RABGAP1L: variants seen among roughly 807,000 people sequenced by gnomAD.
RABGAP1L encodes rab GTPase-activating protein 1-like.
In RABGAP1L, 63 loss-of-function variants were observed where a neutral mutation model predicts 137.7. The ratio of observed to expected loss-of-function variants is 0.46; its 90% CI spans 0.37 to 0.56. The LOEUF is 0.56. Ranked by LOEUF, RABGAP1L falls within the 20% of genes least tolerant of loss-of-function variation. The probability of loss-of-function intolerance (pLI) is 0.00; values close to 1 mark genes in which losing one functional copy is unlikely to be tolerated. For missense variants in RABGAP1L, 1,095 were observed against 1,244.0 expected (o/e 0.88, Z 1.80); for synonymous variants, 431 against 433.7 (o/e 0.99, Z 0.08).
At chr1:174,559,996 G>A (rs575754378) in intron 13 of RABGAP1L, among the ~76,000 whole-genome samples, 46 of 152,230 alleles carry the variant, frequency 3.0e-4, no homozygotes, top group Non-Finnish European at 5.1e-4. Context: ...TTAGCCAGGC[G>A]TGTTGGCACA....
At chr1:174,837,547 C>T (rs1692897105) in intron 19 of RABGAP1L, among the ~76,000 whole-genome samples, 1 of 152,194 alleles carries the variant, frequency 6.6e-6, no homozygotes, top group African/African-American at 2.4e-5. Flanking sequence ...TAAAGGAATA[C>T]ATTCTGGCCC....
chr1:174,986,968 A>G (rs1450467869), intron 24 of RABGAP1L, among the ~76,000 whole-genome samples: 1 of 152,268 alleles, frequency 6.6e-6, no homozygotes, highest in Non-Finnish European at 1.5e-5. Context: ...AAATATTTAC[A>G]ATATGCCTAT....
At chr1:174,539,285 C>A (rs12029868) in intron 13 of RABGAP1L, among the ~76,000 whole-genome samples, 5 of 150,448 alleles carry the variant, frequency 3.3e-5, no homozygotes, top group Admixed American at 6.6e-5. Context: ...TCTTTTTTTT[C>A]TTTTTTTTAT....
At chr1:174,444,814 G>A (rs1571844224) in intron 13 of RABGAP1L, among the ~76,000 whole-genome samples, 1 of 151,898 alleles carries the variant, frequency 6.6e-6, no homozygotes, top group Admixed American at 6.6e-5. Flanking sequence ...TTATTTATTT[G>A]AGTCTTCTTT....
At chr1:174,637,300 T>C in intron 13 of RABGAP1L, 75 bp from the exon 14 acceptor site, 1 of 1,025,522 alleles carries the variant, frequency 9.8e-7, no homozygotes, top group Non-Finnish European at 1.5e-6. Context: ...GTTTGAGTTT[T>C]TTACCATGTG....
chr1:174,857,453 A>C (rs1483660077), intron 19 of RABGAP1L, among the ~76,000 whole-genome samples: 1 of 152,144 alleles, frequency 6.6e-6, no homozygotes, highest in African/African-American at 2.4e-5. Context: ...CCAGCTGTAA[A>C]TCAGGCATTA....
At chr1:174,722,916 C>T (rs1280601924) in intron 17 of RABGAP1L, among the ~76,000 whole-genome samples, 2 of 152,138 alleles carry the variant, frequency 1.3e-5, no homozygotes, top group African/African-American at 4.8e-5. Context: ...TCTATTTTGG[C>T]CTCAGCCAAT....
At chr1:174,718,855 T>C (rs1681240940) in intron 17 of RABGAP1L, among the ~76,000 whole-genome samples, 1 of 149,948 alleles carries the variant, frequency 6.7e-6, no homozygotes, top group Non-Finnish European at 1.5e-5. Flanking sequence ...TTTTTTTTTT[T>C]TGAGACAGAG....
intron 11 of RABGAP1L, among the ~76,000 whole-genome samples, chr1:174,327,964 T>TATATATAC (rs1680599974): frequency 7.2e-5 from 1 of 13,910 alleles, no homozygotes; most frequent in African/African-American, 5.7e-4. Context: ...TAAATATATA[T>TATATATAC]ATATATATAT....
At chr1:174,388,333 ATAC>A (rs1686968959) in intron 12 of RABGAP1L, among the ~76,000 whole-genome samples, 1 of 152,084 alleles carries the variant, frequency 6.6e-6, no homozygotes, top group African/African-American at 2.4e-5. Flanking sequence ...AAATATTTCA[ATAC>A]TAATTTGAAA....
chr1:174,543,582 T>G (rs149544165), intron 13 of RABGAP1L, among the ~76,000 whole-genome samples: 1 of 152,368 alleles, frequency 6.6e-6, no homozygotes, highest in Non-Finnish European at 1.5e-5. Context: ...TTGAAACATT[T>G]AGCCCATTTA....
At chr1:174,499,519 TGGATTCTTAGTG>T (rs1471910658) in intron 13 of RABGAP1L, among the ~76,000 whole-genome samples, 1 of 152,208 alleles carries the variant, frequency 6.6e-6, no homozygotes, top group Non-Finnish European at 1.5e-5. Flanking sequence ...CCTAGAAACA[TGGATTCTTAGTG>T]GTGGGTTTTG....
chr1:174,524,657 C>T (rs1464375234), intron 13 of RABGAP1L, among the ~76,000 whole-genome samples: 2 of 151,962 alleles, frequency 1.3e-5, no homozygotes, highest in African/African-American at 4.8e-5. Flanking sequence ...ATATAGTCCC[C>T]TTGTTTATTT....
intron 11 of RABGAP1L, among the ~76,000 whole-genome samples, chr1:174,355,921 A>G (rs1465137178): frequency 4.6e-5 from 7 of 152,140 alleles, no homozygotes; most frequent in Non-Finnish European, 1.0e-4. Context: ...AAATGTTATA[A>G]TATTTAAGAA....
chr1:174,350,050 C>T (rs1682965235), intron 11 of RABGAP1L, among the ~76,000 whole-genome samples: 1 of 126,572 alleles, frequency 7.9e-6, no homozygotes, highest in African/African-American at 3.0e-5. Flanking sequence ...CAGAGGCGCC[C>T]CTCACCTCCC....
intron 14 of RABGAP1L, among the ~76,000 whole-genome samples, chr1:174,678,683 C>T (rs1677827959): frequency 6.6e-6 from 1 of 152,158 alleles, no homozygotes; most frequent in South Asian, 2.1e-4. Flanking sequence ...GGTGGCAAGC[C>T]TCTTGTTCTC....
intron 13 of RABGAP1L, among the ~76,000 whole-genome samples, chr1:174,509,066 C>A (rs1019265227): frequency 3.9e-5 from 6 of 152,150 alleles, no homozygotes; most frequent in African/African-American, 1.4e-4. Flanking sequence ...ATTAGAGCAT[C>A]TTTGGCTAGA....
At chr1:174,727,288 G>T (rs1357788096) in intron 17 of RABGAP1L, among the ~76,000 whole-genome samples, 1 of 152,050 alleles carries the variant, frequency 6.6e-6, no homozygotes, top group Non-Finnish European at 1.5e-5. Flanking sequence ...ATTGCTATAG[G>T]ATCATAAACT....
At chr1:174,565,086 T>TA (rs2148030145) in intron 13 of RABGAP1L, among the ~76,000 whole-genome samples, 1 of 152,286 alleles carries the variant, frequency 6.6e-6, no homozygotes, top group African/African-American at 2.4e-5. Context: ...GCTTTGAAGA[T>TA]AGAGGTCACA....
Sources: allele counts gnomAD v4.1 joint callset (sites outside exome capture counted in the v4.1 genomes callset), GRCh38; gene constraint gnomAD v4.1.1; transcripts MANE v1.5; gene names NCBI Gene and HGNC (gene_info 2026-07-23, HGNC 2026-07-21).